The following SCIN variants were observed in gnomAD, a reference collection of about 807,000 sequenced individuals.
SCIN encodes the protein scinderin.
In SCIN, 91 loss-of-function variants were observed where a neutral mutation model predicts 91.8. The ratio of observed to expected loss-of-function variants is 0.99; its 90% confidence interval spans 0.84 to 1.18. The LOEUF (loss-of-function observed/expected upper bound fraction) is 1.18, where lower values mean the gene tolerates loss of function less well. Ranked by LOEUF, SCIN falls within the 50% of genes most tolerant of loss-of-function variation. The pLI is 0.00. For synonymous variants in SCIN, 367 were observed against 312.6 expected (o/e 1.17, Z -1.84); for missense variants, 1,087 against 863.9 (o/e 1.26, Z -3.24).
intron 9 of SCIN, among the ~76,000 whole-genome samples, chr7:12,632,631 GT>G (rs2115282443): frequency 6.6e-6 from 1 of 152,270 alleles, no homozygotes; most frequent in South Asian, 2.1e-4. Context: ...CAGAAAAACT[GT>G]TAATGGGGAA....
intron 8 of SCIN, among the ~76,000 whole-genome samples, chr7:12,628,028 CGCGCGT>C (rs963688294): frequency 4.2e-5 from 3 of 71,056 alleles, no homozygotes; most frequent in African/African-American, 1.8e-4. Context: ...GGCAAGTGTG[CGCGCGT>C]GTGTGTGTGT....
intron 3 of SCIN, among the ~76,000 whole-genome samples, chr7:12,603,195 A>G (rs1294762074): frequency 6.6e-6 from 1 of 151,794 alleles, no homozygotes; most frequent in Non-Finnish European, 1.5e-5. Context: ...CCCAGGCTGT[A>G]GTGCAATGGC....
At chr7:12,641,837 C>T (rs1783865299) in intron 11 of SCIN, among the ~76,000 whole-genome samples, 1 of 152,054 alleles carries the variant, frequency 6.6e-6, no homozygotes, top group African/African-American at 2.4e-5. Context: ...CCAGCACCCC[C>T]TTCTCTCTAC....
rs186966761 is a variant in SCIN, at chr7:12,654,711, A to G, written c.*1996A>G. On this transcript the variant is annotated 3_prime_UTR_variant, in exon 16 of 16. Transcript: ENST00000297029. ...TCTAGTTTAGCCAGTGGTTTTTCTC[A>G]TCTCCAATTTATAGCACAGGCCGAG... 6.6e-6 allele frequency: 1 copy of G among 152,160 alleles called. No individual in the cohort carries two copies. Among genetic ancestry groups the G allele is most frequent in the East Asian group, 1.9e-4 (1 of 5,184 alleles). The allele number at this position is 152,160 out of a possible 1,614,324, so 9.4% of individuals were successfully genotyped here.
At position 12,603,767 on chromosome 7, in the gene SCIN, A is replaced by G. The variant is rs13340547; in HGVS notation, c.517-747A>G. Among the ~76,000 whole-genome samples, 848 of 152,232 alleles carry G rather than the reference A, an allele frequency of 5.6e-3. 13 individuals are homozygous for G. The highest frequency in any genetic ancestry group is 0.02 in the African/African-American group (811 of 41,508). On this transcript the variant is annotated intron_variant, in intron 3 of 15. Transcript: ENST00000297029. Reference sequence around the variant, plus strand: ...TTCGACTTTTTCATGTTTCGATGTTAAAGTTTAATTTTAACAGTTAAGTAT... The same window carrying G: ...TTCGACTTTTTCATGTTTCGATGTTGAAGTTTAATTTTAACAGTTAAGTAT...
intron 3 of SCIN, among the ~76,000 whole-genome samples, chr7:12,588,663 A>G (rs759786498): frequency 4.0e-5 from 6 of 151,736 alleles, no homozygotes; most frequent in Admixed American, 1.3e-4. Flanking sequence ...AAGAGGGTGT[A>G]ACTTAGGTTT....
chr7:12,577,944 A>T, intron 1 of SCIN, 120 bp from the exon 2 acceptor site: 1 of 813,484 alleles, frequency 1.2e-6, no homozygotes, highest in Non-Finnish European at 1.8e-6. Context: ...ATCTTTGTGT[A>T]GAAGACTGTT....
chr7:12,628,022 A>G (rs369200228), intron 8 of SCIN, among the ~76,000 whole-genome samples: 1 of 121,958 alleles, frequency 8.2e-6, no homozygotes, highest in Non-Finnish European at 1.7e-5. Flanking sequence ...AACTTAGGCA[A>G]GTGTGCGCGC....
intron 3 of SCIN, among the ~76,000 whole-genome samples, chr7:12,583,359 G>A (rs1782526947): frequency 6.6e-6 from 1 of 152,152 alleles, no homozygotes; most frequent in Non-Finnish European, 1.5e-5. Flanking sequence ...CTGGGAAATG[G>A]CAGTTATCAT....
intron 3 of SCIN, chr7:12,596,246 C>T (rs1189320502): frequency 1.5e-5 from 6 of 411,076 alleles, no homozygotes; most frequent in Non-Finnish European, 2.9e-5. Flanking sequence ...ACATGCCAAC[C>T]TGAGTCTTTC....
At position 12,604,528 on chromosome 7, in the gene SCIN, G is replaced by A. The variant is rs1483699185; in HGVS notation, c.531G>A (p.Trp177Ter). 1.6e-5 allele frequency: 25 copies of A among 1,551,610 alleles called. No homozygotes were observed. Among genetic ancestry groups the A allele is most frequent in the Non-Finnish European group, 1.8e-5 (21 of 1,146,950 alleles). The change falls in exon 4 of 16, where the codon TGG becomes TGA. Residue 177 changes from tryptophan to a stop codon, truncating the protein, a stop_gained. Coordinates refer to ENST00000297029, the MANE Select transcript of SCIN (RefSeq NM_001112706.3). LOFTEE classifies it high-confidence loss of function. ...IIDLGTEIYQWCGSSCNKYER... is the reference protein window; with the variant it reads ...IIDLGTEIYQ ...CTTTCTTTTAGGAAATTTATCAGTG[G>A]TGTGGTTCCTCGTGCAACAAATATG...
intron 4 of SCIN, among the ~76,000 whole-genome samples, chr7:12,614,066 G>T (rs900024056): frequency 6.6e-6 from 1 of 152,174 alleles, no homozygotes; most frequent in Admixed American, 6.5e-5. Flanking sequence ...TGCATGTAGA[G>T]AAGACAAATA....
At chr7:12,630,995 T>C (rs573305777) in intron 9 of SCIN, among the ~76,000 whole-genome samples, 57 of 152,322 alleles carry the variant, frequency 3.7e-4, no homozygotes, top group African/African-American at 1.3e-3. Flanking sequence ...TTCCTCTTAA[T>C]TCTCTTTTGA....
chr7:12,594,776 G>T (rs757910187), intron 3 of SCIN, among the ~76,000 whole-genome samples: 1 of 152,154 alleles, frequency 6.6e-6, no homozygotes, highest in African/African-American at 2.4e-5. Context: ...TGGAATAGAG[G>T]AGGTAGCTGC....
At chr7:12,615,210 G>T (rs181365345) in intron 4 of SCIN, among the ~76,000 whole-genome samples, 3 of 152,098 alleles carry the variant, frequency 2.0e-5, no homozygotes, top group Admixed American at 6.6e-5. Flanking sequence ...AGTTTTAATA[G>T]CACAGTGTTT....
chr7:12,625,091 G>T lies in SCIN; in HGVS notation c.841G>T (p.Glu281Ter). ...CTCAATGGCAATGCTGCTGTCTGAA[G>T]AATGCTTTATTTTGGACCACGGGGC... ...PFSMAMLLSEECFILDHGAAK... is the reference protein window; with the variant it reads ...PFSMAMLLSE Residue 281 changes from glutamate (E) to a stop codon, truncating the protein, a stop_gained, in exon 6 of 16, where the codon GAA (glutamate) becomes TAA (stop). Transcript: ENST00000297029. LOFTEE classifies it high-confidence loss of function. 1 of 1,607,674 alleles carries T rather than the reference G, an allele frequency of 6.2e-7. No homozygotes were observed. Among genetic ancestry groups the T allele is most frequent in the Non-Finnish European group, 8.5e-7 (1 of 1,176,956 alleles).
At chr7:12,624,640 A>G (rs981116714) in intron 5 of SCIN, among the ~76,000 whole-genome samples, 10 of 152,190 alleles carry the variant, frequency 6.6e-5, no homozygotes, top group African/African-American at 2.2e-4. Context: ...ATAATCATGG[A>G]AAGTTAATTA....
At chr7:12,613,679 C>T (rs967212038) in intron 4 of SCIN, among the ~76,000 whole-genome samples, 1 of 151,942 alleles carries the variant, frequency 6.6e-6, no homozygotes, top group East Asian at 1.9e-4. Flanking sequence ...ATCAGAATTG[C>T]TGTTATGTTT....
intron 3 of SCIN, among the ~76,000 whole-genome samples, chr7:12,590,561 C>T (rs1295703788): frequency 6.6e-6 from 1 of 151,136 alleles, no homozygotes; most frequent in African/African-American, 2.4e-5. Flanking sequence ...CTATCCAGTC[C>T]CCTTGAAAGG....
Sources: gnomAD v4.1 joint callset for allele counts (sites outside exome capture counted in the v4.1 genomes callset) on GRCh38, gnomAD v4.1.1 for gene constraint, MANE v1.5 for transcripts, NCBI Gene and HGNC (gene_info 2026-07-23, HGNC 2026-07-21) for gene names.